ADAM23: variants seen among roughly 807,000 people sequenced by gnomAD.
ADAM23 encodes the protein disintegrin and metalloproteinase domain-containing protein 23.
In ADAM23, 33 loss-of-function variants were observed where a neutral mutation model predicts 120.1. The ratio of observed to expected loss-of-function variants is 0.27; its 90% CI spans 0.21 to 0.37. The LOEUF (loss-of-function observed/expected upper bound fraction) is 0.37. Among genes scored for constraint, ADAM23 ranks in the 10% least tolerant of loss-of-function variants. The pLI is 1.00. For synonymous variants in ADAM23, 367 were observed against 375.2 expected (o/e 0.98, Z 0.25); for missense variants, 862 against 1,058.2 (o/e 0.81, Z 2.57).
intron 3 of ADAM23, among the ~76,000 whole-genome samples, chr2:206,494,875 A>G (rs886905769): frequency 1.3e-5 from 2 of 152,156 alleles, no homozygotes; most frequent in African/African-American, 2.4e-5. Flanking sequence ...AACCAATGCT[A>G]TCAACTGGAA....
chr2:206,565,725 A>G (rs1355876709), intron 14 of ADAM23, among the ~76,000 whole-genome samples: 2 of 151,316 alleles, frequency 1.3e-5, no homozygotes, highest in Non-Finnish European at 3.0e-5. Context: ...GCCATAACCC[A>G]CTCCTAGTAG....
intron 23 of ADAM23, 124 bp from the exon 24 acceptor site, chr2:206,595,927 C>T (rs956517748): frequency 1.4e-6 from 1 of 701,896 alleles, no homozygotes; most frequent in African/African-American, 1.8e-5. Context: ...CCATGGGAAA[C>T]TTTAAAAAGA....
intron 1 of ADAM23, 89 bp downstream of exon 1, chr2:206,444,169 C>CTTG (rs1695025718): frequency 9.4e-7 from 1 of 1,065,964 alleles, no homozygotes; most frequent in South Asian, 4.6e-5. Context: ...GTGCTCCGGG[C>CTTG]TTGTCCCCGG....
chr2:206,610,012 C>A lies in ADAM23; in HGVS notation c.2450+12C>A. 1 of 1,553,848 alleles carries A rather than the reference C, an allele frequency of 6.4e-7. No individual in the cohort carries two copies. The highest frequency in any genetic ancestry group is 8.6e-7 in the Non-Finnish European group (1 of 1,159,084). On this transcript the variant is annotated intron_variant, in intron 25 of 25. Transcript: ENST00000264377. ...GGCTGGGGATTTAAGTAAGCAACGC[C>A]GCATGTCTTCTTCTCAGTGGCTCTG...
chr2:206,549,430 T>C (rs1483049584), intron 8 of ADAM23, among the ~76,000 whole-genome samples: 5 of 151,958 alleles, frequency 3.3e-5, no homozygotes, highest in African/African-American at 1.2e-4. Flanking sequence ...GCCACTATTA[T>C]AATTTTCCAA....
At chr2:206,463,257 T>A (rs1205261962) in intron 2 of ADAM23, among the ~76,000 whole-genome samples, 1 of 152,192 alleles carries the variant, frequency 6.6e-6, no homozygotes, top group Non-Finnish European at 1.5e-5. Flanking sequence ...GGGCCCAGTG[T>A]AATCACAAGG....
chr2:206,561,093 A>G, intron 11 of ADAM23, 35 bp from the exon 12 acceptor site: 1 of 1,586,972 alleles, frequency 6.3e-7, no homozygotes, highest in Non-Finnish European at 8.7e-7. Context: ...ATGGTCCACC[A>G]CGTTGGTTTT....
At chr2:206,445,599 T>C in intron 2 of ADAM23, 75 bp downstream of exon 2, 1 of 1,318,672 alleles carries the variant, frequency 7.6e-7, no homozygotes. Flanking sequence ...TGCCAGAATC[T>C]GAGTTCACAA....
rs114934496 is a variant in ADAM23, at chr2:206,449,718, G to A, written c.432+4194G>A. ...CCGGGAGGCGGAGGTTGCGGTGAGC[G>A]TCACTGCAGTCCACCCTGGGCCACA... On this transcript the variant is annotated intron_variant, in intron 2 of 25. Coordinates refer to ENST00000264377, the MANE Select transcript of ADAM23 (RefSeq NM_003812.4). Among the ~76,000 whole-genome samples the A allele has an allele frequency of 2.7e-3, 412 of 152,274 alleles. 2 individuals are homozygous for A. The highest frequency in any genetic ancestry group is 9.2e-3 in the African/African-American group (381 of 41,564).
At chr2:206,553,867 A>G (rs947517230) in intron 9 of ADAM23, among the ~76,000 whole-genome samples, 1 of 152,204 alleles carries the variant, frequency 6.6e-6, no homozygotes, top group African/African-American at 2.4e-5. Flanking sequence ...TCTTTATACT[A>G]TACGATCCAG....
intron 9 of ADAM23, 48 bp from the exon 10 acceptor site, chr2:206,557,379 A>T (rs1321545557): frequency 7.1e-7 from 1 of 1,415,052 alleles, no homozygotes; most frequent in Admixed American, 1.7e-5. Context: ...TTTGAAATTT[A>T]TTATTCACTT....
chr2:206,513,667 A>G (rs1574507027), intron 3 of ADAM23, among the ~76,000 whole-genome samples: 1 of 152,256 alleles, frequency 6.6e-6, no homozygotes, highest in Non-Finnish European at 1.5e-5. Context: ...CAGATTTTCA[A>G]TGTAGATGAA....
intron 4 of ADAM23, among the ~76,000 whole-genome samples, chr2:206,532,557 C>A (rs1460630446): frequency 1.3e-5 from 2 of 152,094 alleles, no homozygotes; most frequent in East Asian, 3.9e-4. Context: ...GCTCATATAC[C>A]CAAACTTACG....
chr2:206,575,591 T>A (rs1574543528), intron 18 of ADAM23, among the ~76,000 whole-genome samples: 1 of 152,212 alleles, frequency 6.6e-6, no homozygotes, highest in East Asian at 1.9e-4. Flanking sequence ...AGGCTCCCAA[T>A]AGAGTACACT....
Position 206,472,845 on chromosome 2 carries a change from G to A in ADAM23, c.433-8387G>A, listed in dbSNP as rs576842559. On this transcript the variant is annotated intron_variant, in intron 2 of 25. Coordinates refer to ENST00000264377, the MANE Select transcript of ADAM23 (RefSeq NM_003812.4). ...TAGAGTAGAAGTTCCATCTTTTTCG[G>A]CTAGGTTGGCACAGAGAACAAAGTC... Among the ~76,000 whole-genome samples the A allele has an allele frequency of 5.9e-5, 9 of 152,140 alleles. No homozygotes were observed. In the East Asian group the frequency reaches 1.7e-3, roughly 29 times the overall value.
At chr2:206,511,415 A>G (rs1005702694) in intron 3 of ADAM23, among the ~76,000 whole-genome samples, 3 of 152,010 alleles carry the variant, frequency 2.0e-5, no homozygotes, top group Admixed American at 1.3e-4. Flanking sequence ...GGGGACAGCT[A>G]TTTGCTGAAG....
At chr2:206,446,813 A>G (rs965730286) in intron 2 of ADAM23, among the ~76,000 whole-genome samples, 2 of 152,004 alleles carry the variant, frequency 1.3e-5, no homozygotes, top group African/African-American at 2.4e-5. Context: ...TATATAACTT[A>G]ATGGGGTGAC....
At chr2:206,527,006 C>T (rs1025822611) in intron 3 of ADAM23, among the ~76,000 whole-genome samples, 7 of 152,142 alleles carry the variant, frequency 4.6e-5, no homozygotes, top group South Asian at 2.1e-4. Flanking sequence ...TTCCATCCTA[C>T]GTTTATTCAT....
chr2:206,524,412 C>T (rs1425450950), intron 3 of ADAM23, among the ~76,000 whole-genome samples: 1 of 152,156 alleles, frequency 6.6e-6, no homozygotes, highest in African/African-American at 2.4e-5. Context: ...CTCCTCTTGC[C>T]CAGATCCACC....
Sources: allele counts gnomAD v4.1 joint callset (sites outside exome capture counted in the v4.1 genomes callset), GRCh38; gene constraint gnomAD v4.1.1; transcripts MANE v1.5; gene names NCBI Gene and HGNC (gene_info 2026-07-23, HGNC 2026-07-21).